NRXN3: variants seen among roughly 807,000 people sequenced by gnomAD.
The protein encoded by NRXN3 is neurexin 3, also known as neurexin III.
In NRXN3, 32 loss-of-function variants were observed where a neutral mutation model predicts 137.6. The ratio of observed to expected loss-of-function variants is 0.23; its 90% CI spans 0.18 to 0.31. The LOEUF is 0.31. NRXN3 is among the 10% of genes least tolerant of loss of function. The pLI, the probability that NRXN3 is intolerant of heterozygous loss-of-function variation, is 1.00. For synonymous variants in NRXN3, 798 were observed against 784.5 expected, an observed-to-expected ratio of 1.02 and a Z score of -0.29; for missense variants, 1,574 against 2,062.5, an observed-to-expected ratio of 0.76 and a Z score of 4.59.
chr14:79,774,286 G>T lies in NRXN3; in HGVS notation c.4015-30826G>T, dbSNP rs190260348. Among the ~76,000 whole-genome samples, 20 of 152,224 alleles carry T rather than the reference G, an allele frequency of 1.3e-4. No individual in the cohort carries two copies. In the East Asian group the frequency reaches 2.9e-3, roughly 22 times the overall value. On this transcript the variant is annotated intron_variant, in intron 19 of 20. Transcript: ENST00000335750. Reference sequence around the variant, plus strand: ...GATCTGAAGTGACAATGGTATATTTGCTCAGCATTTCCTGTACCTGAAACA... The same window carrying T: ...GATCTGAAGTGACAATGGTATATTTTCTCAGCATTTCCTGTACCTGAAACA...
At chr14:78,746,443 A>T (rs1270121509) in intron 8 of NRXN3, among the ~76,000 whole-genome samples, 1 of 152,182 alleles carries the variant, frequency 6.6e-6, no homozygotes, top group Non-Finnish European at 1.5e-5. Context: ...AGTTCTTACA[A>T]TGGAGCTATT....
At chr14:79,736,585 C>T (rs561190187) in intron 19 of NRXN3, among the ~76,000 whole-genome samples, 240 of 152,142 alleles carry the variant, frequency 1.6e-3, no homozygotes, top group Non-Finnish European at 2.1e-3. Flanking sequence ...TGACAAAGGC[C>T]GGCAATTCAA....
chr14:78,904,498 G>A (rs1325140067), intron 10 of NRXN3, among the ~76,000 whole-genome samples: 5 of 152,054 alleles, frequency 3.3e-5, no homozygotes, highest in African/African-American at 1.2e-4. Flanking sequence ...ATTTCTTTAA[G>A]TGTCATTTAT....
chr14:79,428,501 A>T (rs545516924), intron 15 of NRXN3, among the ~76,000 whole-genome samples: 1 of 152,278 alleles, frequency 6.6e-6, no homozygotes, highest in South Asian at 2.1e-4. Context: ...CATGAAATTC[A>T]GTGGAAATAT....
At chr14:78,614,566 C>CAAACATTT (rs1193289708) in intron 4 of NRXN3, among the ~76,000 whole-genome samples, 3 of 150,954 alleles carry the variant, frequency 2.0e-5, no homozygotes, top group African/African-American at 4.9e-5. Context: ...AAAAAAAAGA[C>CAAACATTT]AAACATTTGA....
chr14:79,368,277 G>C (rs1422520814), intron 15 of NRXN3, among the ~76,000 whole-genome samples: 2 of 152,174 alleles, frequency 1.3e-5, no homozygotes, highest in Non-Finnish European at 2.9e-5. Context: ...AAACAATTAA[G>C]AGGATTGGGG....
At chr14:79,612,725 C>T (rs1159195920) in intron 16 of NRXN3, among the ~76,000 whole-genome samples, 1 of 152,090 alleles carries the variant, frequency 6.6e-6, no homozygotes, top group Non-Finnish European at 1.5e-5. Context: ...GTGGCACATG[C>T]CTGTAGTCCC....
At chr14:79,011,446 A>G (rs80121374) in intron 15 of NRXN3, among the ~76,000 whole-genome samples, 1 of 149,756 alleles carries the variant, frequency 6.7e-6, no homozygotes. Context: ...AAAAAAAAAA[A>G]ACAATTCAAG....
Position 78,450,545 on chromosome 14 carries a change from C to A in NRXN3, c.757+152685C>A, listed in dbSNP as rs141261744. On this transcript the variant is annotated intron_variant, in intron 4 of 20. Transcript: ENST00000335750. Reference sequence around the variant, plus strand: ...CACGCTTTACTTAATAACTTCCTCCCTACCTGGAGCCCGGTGGAATCCACA... The same window carrying A: ...CACGCTTTACTTAATAACTTCCTCCATACCTGGAGCCCGGTGGAATCCACA... Among the ~76,000 whole-genome samples, 234 of 152,278 alleles carry A rather than the reference C, an allele frequency of 1.5e-3. 2 individuals are homozygous for A. The highest frequency in any genetic ancestry group is 5.5e-3 in the African/African-American group (229 of 41,548).
chr14:78,711,168 A>G (rs8020388), intron 7 of NRXN3, among the ~76,000 whole-genome samples: 50,665 of 151,690 alleles, frequency 0.33, 10,764 homozygotes, highest in African/African-American at 0.61. Flanking sequence ...GTCACGGTGG[A>G]CGGGTTTTGT....
intron 1 of NRXN3, among the ~76,000 whole-genome samples, chr14:78,236,712 T>C (rs2153447070): frequency 6.9e-6 from 1 of 144,942 alleles, no homozygotes; most frequent in Non-Finnish European, 1.5e-5. Flanking sequence ...AAAACTGCCC[T>C]ATGAGATAGG....
rs1265485518 is a variant in NRXN3 at position 79,467,308 on chromosome 14, G to A, written c.3350G>A (p.Arg1117His). 2.5e-6 allele frequency: 4 copies of A among 1,613,456 alleles called. No individual in the cohort carries two copies. Among genetic ancestry groups the A allele is most frequent in the Non-Finnish European group, 3.4e-6 (4 of 1,179,514 alleles). Residue 1117 changes from arginine (R) to histidine (H), a missense_variant, in exon 16 of 21, where the codon CGC (arginine) becomes CAC (histidine). Arg to His is a conservative substitution (Grantham distance 29). Around this residue, in one of 5 missense-constraint regions of NRXN3, gnomAD observed 133 missense variants for 241.8 expected, o/e 0.55. Coordinates refer to ENST00000335750, the MANE Select transcript of NRXN3 (RefSeq NM_001330195.2). ...GACAGGCCCAGCACGCGGTCTGACC[G>A]CCTTGCCGTGGGCTTCAGCACCACT... Reference protein sequence around the residue: ...ANDRPSTRSDRLAVGFSTTVK... With the variant: ...ANDRPSTRSDHLAVGFSTTVK...
At chr14:78,509,589 T>A (rs1025890934) in intron 4 of NRXN3, among the ~76,000 whole-genome samples, 12 of 152,110 alleles carry the variant, frequency 7.9e-5, no homozygotes, top group African/African-American at 2.9e-4. Context: ...GTAATTGACC[T>A]CTCTATTGAC....
intron 15 of NRXN3, among the ~76,000 whole-genome samples, chr14:79,234,114 A>G (rs1011697786): frequency 1.5e-4 from 23 of 150,754 alleles, no homozygotes; most frequent in African/African-American, 5.6e-4. Flanking sequence ...ACAAACAAAA[A>G]TGTGCTTACT....
chr14:79,344,722 A>C (rs1490639763), intron 15 of NRXN3, among the ~76,000 whole-genome samples: 1 of 152,208 alleles, frequency 6.6e-6, no homozygotes, highest in African/African-American at 2.4e-5. Flanking sequence ...TTAATGTGAA[A>C]TGCATCTGGA....
intron 4 of NRXN3, among the ~76,000 whole-genome samples, chr14:78,414,535 A>G (rs1176530191): frequency 6.6e-6 from 1 of 152,200 alleles, no homozygotes; most frequent in Admixed American, 6.5e-5. Context: ...ACCTCATAGA[A>G]TAAGAATCAG....
chr14:79,500,632 T>C (rs898134524), intron 16 of NRXN3, among the ~76,000 whole-genome samples: 1 of 152,218 alleles, frequency 6.6e-6, no homozygotes, highest in Admixed American at 6.5e-5. Flanking sequence ...TGTCTTAGTA[T>C]GCTGCATGTA....
intron 15 of NRXN3, among the ~76,000 whole-genome samples, chr14:79,024,924 G>C (rs2099595625): frequency 6.6e-6 from 1 of 152,242 alleles, no homozygotes; most frequent in East Asian, 1.9e-4. Flanking sequence ...CAAAAAGACA[G>C]GCCTAAGTTC....
At chr14:79,342,660 G>A (rs559496569) in intron 15 of NRXN3, among the ~76,000 whole-genome samples, 17 of 152,226 alleles carry the variant, frequency 1.1e-4, no homozygotes, top group Middle Eastern at 3.4e-3. Context: ...ACTCAGCTGC[G>A]TTATCCCCTA....
Sources: gnomAD v4.1 joint callset for allele counts (sites outside exome capture counted in the v4.1 genomes callset) on GRCh38, gnomAD v4.1.1 for gene constraint, gnomAD v4.1.1 regional missense constraint, MANE v1.5 for transcripts, NCBI Gene and HGNC (gene_info 2026-07-23, HGNC 2026-07-21) for gene names.